The following SUPT20H variants were observed in gnomAD, a reference collection of about 807,000 sequenced individuals.
SUPT20H encodes transcription factor SPT20 homolog.
In SUPT20H, 82 loss-of-function variants were observed where a neutral mutation model predicts 122.8. The ratio of observed to expected loss-of-function variants is 0.67; its 90% CI spans 0.56 to 0.80. The LOEUF is 0.80. Among genes scored for constraint, SUPT20H ranks in the 30% least tolerant of loss-of-function variants. SUPT20H has a pLI of 0.00. For missense variants in SUPT20H, 831 were observed against 921.6 expected, an observed-to-expected ratio of 0.90 and a Z score of 1.27; for synonymous variants, 291 against 313.0, an observed-to-expected ratio of 0.93 and a Z score of 0.74.
intron 3 of SUPT20H, 30 bp downstream of exon 3, chr13:37,048,532 CTA>C (rs2066956559): frequency 1.3e-6 from 2 of 1,555,554 alleles, no homozygotes; most frequent in Non-Finnish European, 8.7e-7. Context: ...AAAGACAACA[CTA>C]TTTCAATATG....
chr13:37,016,467 G>A (rs1038477399), intron 23 of SUPT20H, among the ~76,000 whole-genome samples: 2 of 151,788 alleles, frequency 1.3e-5, no homozygotes, highest in Non-Finnish European at 2.9e-5. Flanking sequence ...AATTTTATGT[G>A]TACCTTAAAA....
intron 25 of SUPT20H, among the ~76,000 whole-genome samples, chr13:37,010,307 AATGT>A (rs1199354682): frequency 6.6e-6 from 1 of 152,242 alleles, no homozygotes; most frequent in East Asian, 1.9e-4. Flanking sequence ...ATACTAGAAA[AATGT>A]ATGTTAATGT....
At chr13:37,023,988 T>C (rs1182577042) in intron 19 of SUPT20H, 47 bp downstream of exon 19, 5 of 1,562,458 alleles carry the variant, frequency 3.2e-6, no homozygotes, top group Middle Eastern at 1.7e-4. Context: ...GAAACACTAA[T>C]GCAAAAGCTT....
intron 9 of SUPT20H, chr13:37,040,138 G>T: frequency 3.2e-6 from 1 of 315,938 alleles, no homozygotes; most frequent in Non-Finnish European, 5.7e-6. Context: ...TTTTTCTTCT[G>T]TTTGAGAGGA....
At chr13:37,038,421 C>T (rs184503106) in intron 9 of SUPT20H, 101 of 152,294 alleles carry the variant, frequency 6.6e-4, no homozygotes, top group African/African-American at 2.3e-3. Flanking sequence ...GAGTAAGAAT[C>T]TGATGCCCTA....
intron 17 of SUPT20H, 95 bp from the exon 18 acceptor site, chr13:37,024,537 A>G: frequency 1.2e-6 from 1 of 837,248 alleles, no homozygotes; most frequent in Non-Finnish European, 1.7e-6. Context: ...TATTAAATAA[A>G]ATTAATACTG....
intron 9 of SUPT20H, among the ~76,000 whole-genome samples, chr13:37,035,649 A>C (rs1194426331): frequency 6.6e-6 from 1 of 152,038 alleles, no homozygotes; most frequent in Non-Finnish European, 1.5e-5. Context: ...ACTCGGCCTA[A>C]GCCTCCCGAG....
chr13:37,028,285 T>A lies in SUPT20H; in HGVS notation c.1014A>T (p.Val338=). Reference sequence around the variant, plus strand: ...ACTGAGTACCAGCTTCACATTCAAATACATAATCATCTTTTACATCCTGAA... The same window carrying A: ...ACTGAGTACCAGCTTCACATTCAAAAACATAATCATCTTTTACATCCTGAA... ...WPAHDVKDDY[V]FECEAGTQYQ... is the part of the protein sequence containing the mutation. Residue 338 remains valine (V), a synonymous_variant, in exon 14 of 26, where the codon GTA becomes GTT. Coordinates refer to ENST00000350612, the MANE Select transcript of SUPT20H (RefSeq NM_001014286.3). 1.9e-6 allele frequency: 3 copies of A among 1,610,198 alleles called. No individual in the cohort carries two copies. Among genetic ancestry groups the A allele is most frequent in the Non-Finnish European group, 2.5e-6 (3 of 1,178,818 alleles).
Position 37,031,719 on chromosome 13 carries a change from T to C in SUPT20H, c.864+20A>G. The C allele has an allele frequency of 6.4e-7, 1 of 1,565,256 alleles. No homozygotes were observed. The highest frequency in any genetic ancestry group is 8.6e-7 in the Non-Finnish European group (1 of 1,162,512). ...AGGCTTTTGGGCATAATAAGCTTCA[T>C]TTAAAATATATATACTTACATTTCC... is the stretch of plus-strand genomic sequence containing the variant. On this transcript the variant is annotated intron_variant, in intron 11 of 25. Transcript: ENST00000350612.
chr13:37,009,493 G>T lies in SUPT20H; in HGVS notation c.*179C>A. The T allele has an allele frequency of 1.1e-6, 1 of 881,802 alleles. No individual in the cohort carries two copies. Among genetic ancestry groups the T allele is most frequent in the Non-Finnish European group, 1.7e-6 (1 of 573,890 alleles). The allele number at this position is 881,802 out of a possible 1,614,324, so 54.6% of individuals were successfully genotyped here. On this transcript the variant is annotated 3_prime_UTR_variant, in exon 26 of 26. Transcript: ENST00000350612. ...CAATGACTTAGGCAAACCAACCCTAGTTTGTTAAACCATTTCCCTGTTTTT... is the reference window on the plus strand; with the variant it reads ...CAATGACTTAGGCAAACCAACCCTATTTTGTTAAACCATTTCCCTGTTTTT...
In SUPT20H at chr13:37,026,220, T is replaced by C; in HGVS notation, c.1195A>G (p.Lys399Glu). The change falls in exon 16 of 26, where the codon AAG (lysine) becomes GAG (glutamate). Residue 399 changes from lysine (K) to glutamate (E), a missense_variant. Coordinates refer to ENST00000350612, the MANE Select transcript of SUPT20H (RefSeq NM_001014286.3). The part of the protein sequence containing the change: ...DHSNWFIIGS[K>E]TDAERVVNQY... ...TATTTTTACCTCTCAGCATCGGTCT[T>C]TGATCCAATAATGAACCTAAAATGT... 6.5e-7 allele frequency: 1 copy of C among 1,540,258 alleles called. No individual in the cohort carries two copies. Among genetic ancestry groups the C allele is most frequent in the Non-Finnish European group, 8.7e-7 (1 of 1,153,808 alleles).
intron 24 of SUPT20H, among the ~76,000 whole-genome samples, chr13:37,011,010 A>C (rs2059526445): frequency 6.6e-6 from 1 of 152,210 alleles, no homozygotes. Flanking sequence ...GATGGAAGAA[A>C]TCCAAACTAT....
chr13:37,013,530 G>C (rs2059943977), intron 23 of SUPT20H: 1 of 151,524 alleles, frequency 6.6e-6, no homozygotes, highest in Non-Finnish European at 1.5e-5. Flanking sequence ...CTATAAAACT[G>C]TTAGAAAAAA....
intron 9 of SUPT20H, 22 bp from the exon 10 acceptor site, chr13:37,033,610 G>A (rs751827285): frequency 1.2e-6 from 2 of 1,604,808 alleles, no homozygotes; most frequent in African/African-American, 2.7e-5. Flanking sequence ...AAGAGCATAT[G>A]TCAATACCAG....
chr13:37,013,178 T>A (rs1172434312), intron 23 of SUPT20H: 1 of 152,086 alleles, frequency 6.6e-6, no homozygotes, highest in African/African-American at 2.4e-5. Context: ...AAAAATGGTA[T>A]GGGAGAAAAC....
At chr13:37,026,304 A>G (rs961671934) in intron 15 of SUPT20H, 68 bp from the exon 16 acceptor site, 1 of 1,158,006 alleles carries the variant, frequency 8.6e-7, no homozygotes, top group African/African-American at 1.6e-5. Flanking sequence ...AAGGCTTGGG[A>G]TTACTTTTGA....
At chr13:37,050,461 T>A (rs892127429) in intron 2 of SUPT20H, among the ~76,000 whole-genome samples, 2 of 151,806 alleles carry the variant, frequency 1.3e-5, no homozygotes, top group Non-Finnish European at 2.9e-5. Flanking sequence ...TGTTCCACCA[T>A]GAAAACATAA....
At position 37,033,533 on chromosome 13, in the gene SUPT20H, C is replaced by T. The variant is rs555039742; in HGVS notation, c.623G>A (p.Cys208Tyr). The T allele has an allele frequency of 6.2e-7, 1 of 1,613,592 alleles. No individual in the cohort carries two copies. Among genetic ancestry groups the T allele is most frequent in the South Asian group, 1.1e-5 (1 of 90,918 alleles). The change falls in exon 10 of 26, where the codon TGT (cysteine) becomes TAT (tyrosine). Residue 208 changes from cysteine to tyrosine, a missense_variant. Coordinates refer to ENST00000350612, the MANE Select transcript of SUPT20H (RefSeq NM_001014286.3). ...GGTGACTGCTATAGAAGGATCAAGA[C>T]AGAGTGGTTCAGCTGTAGCTAGGAT... ...QLILATAEPL[C>Y]LDPSIAVTCT... is the part of the protein sequence containing the mutation.
chr13:37,013,798 AAG>A (rs1235708186), intron 23 of SUPT20H: 2 of 152,088 alleles, frequency 1.3e-5, no homozygotes, highest in Non-Finnish European at 2.9e-5. Flanking sequence ...GATTGGACAA[AAG>A]AGCACAGAGC....
Sources: gnomAD v4.1 joint callset for allele counts (sites outside exome capture counted in the v4.1 genomes callset) on GRCh38, gnomAD v4.1.1 for gene constraint, MANE v1.5 for transcripts, NCBI Gene and HGNC (gene_info 2026-07-23, HGNC 2026-07-21) for gene names.